ATP5F1C: variants seen among roughly 807,000 people sequenced by gnomAD.
The protein encoded by ATP5F1C is ATP synthase F1 subunit gamma.
Under a neutral mutation model 37.4 loss-of-function variants are expected in ATP5F1C, and 22 were observed. The observed-to-expected ratio is 0.59, with a 90% CI of 0.42 to 0.84. The LOEUF is 0.84. ATP5F1C is among the 40% of genes least tolerant of loss of function. The pLI, the probability that ATP5F1C is intolerant of heterozygous loss-of-function variation, is 0.00. For synonymous variants in ATP5F1C, 121 were observed against 128.0 expected, an observed-to-expected ratio of 0.95 and a Z score of 0.37; for missense variants, 286 against 362.4, an observed-to-expected ratio of 0.79 and a Z score of 1.71.
intron 8 of ATP5F1C, among the ~76,000 whole-genome samples, chr10:7,803,223 G>T (rs1349842518): frequency 6.6e-6 from 1 of 151,460 alleles, no homozygotes; most frequent in Non-Finnish European, 1.5e-5. Context: ...ATTGCATGTT[G>T]GGAAGGTCCA....
In ATP5F1C at chr10:7,802,265, A is replaced by G. The variant is rs902094523; in HGVS notation, c.638-5A>G. ...TTGAAAGAAACTCATCACTTGTTTT[A>G]ACAGACAGCATGAGTATCTATGACG... On this transcript the variant is annotated splice_polypyrimidine_tract_variant and splice_region_variant and intron_variant, in intron 6 of 9. Coordinates refer to ENST00000356708, the MANE Select transcript of ATP5F1C (RefSeq NM_001001973.3). The G allele has an allele frequency of 1.3e-6, 2 of 1,599,788 alleles. No individual in the cohort carries two copies. The highest frequency in any genetic ancestry group is 2.2e-5 in the East Asian group (1 of 44,686).
intron 1 of ATP5F1C, among the ~76,000 whole-genome samples, chr10:7,790,615 T>C (rs1338659272): frequency 6.6e-6 from 1 of 152,158 alleles, no homozygotes; most frequent in African/African-American, 2.4e-5. Flanking sequence ...TCTGAGACCA[T>C]GAGGGCAGAT....
chr10:7,803,850 A>G (rs534940000), intron 8 of ATP5F1C, among the ~76,000 whole-genome samples: 6 of 152,320 alleles, frequency 3.9e-5, no homozygotes, highest in African/African-American at 1.4e-4. Flanking sequence ...CCTCCTGCTA[A>G]TCAGTTACCA....
intron 1 of ATP5F1C, among the ~76,000 whole-genome samples, chr10:7,794,303 A>C (rs1198006616): frequency 6.6e-6 from 1 of 152,212 alleles, no homozygotes; most frequent in Non-Finnish European, 1.5e-5. Flanking sequence ...ATAGATAATC[A>C]TGTCATCTAT....
At chr10:7,795,181 C>G (rs1836218125) in intron 1 of ATP5F1C, among the ~76,000 whole-genome samples, 2 of 152,110 alleles carry the variant, frequency 1.3e-5, no homozygotes, top group African/African-American at 4.8e-5. Flanking sequence ...ACAAACCCAA[C>G]TCATGTGTCC....
At chr10:7,800,152 A>C in intron 6 of ATP5F1C, 61 bp downstream of exon 6, 1 of 1,472,460 alleles carries the variant, frequency 6.8e-7, no homozygotes, top group South Asian at 1.1e-5. Flanking sequence ...TTTGTACACT[A>C]AGGCAGACAG....
rs577890457 is a variant in ATP5F1C, at chr10:7,803,472, ATTG to A, written c.890+626_890+628del. On this transcript the variant is annotated intron_variant, in intron 8 of 9. Transcript: ENST00000356708. ...CATCTCTAGTTATAATGCTATGTAA[ATTG>A]TTGTTGTATTGGTTTTTGTTTTTAT... 6.8e-3 allele frequency among the ~76,000 whole-genome samples: 1,032 copies of A among 152,188 alleles called. 5 individuals are homozygous for A. The highest frequency in any genetic ancestry group is 0.01 in the Non-Finnish European group (685 of 68,014).
chr10:7,796,373 T>C (rs557509601), intron 2 of ATP5F1C: 13 of 387,948 alleles, frequency 3.4e-5, no homozygotes, highest in African/African-American at 2.5e-4. Flanking sequence ...AGAATGATCA[T>C]GATATAACTA....
At chr10:7,805,264 G>A (rs544588879) in intron 8 of ATP5F1C, among the ~76,000 whole-genome samples, 2 of 152,246 alleles carry the variant, frequency 1.3e-5, no homozygotes, top group South Asian at 4.1e-4. Context: ...TTAAAGCCAG[G>A]CTGATTTGTT....
intron 9 of ATP5F1C, 88 bp from the exon 10 acceptor site, chr10:7,807,571 C>A: frequency 6.9e-7 from 1 of 1,443,022 alleles, no homozygotes; most frequent in South Asian, 1.3e-5. Flanking sequence ...TCTCTGTACC[C>A]CACTTAAATA....
intron 4 of ATP5F1C, chr10:7,799,410 G>C (rs1836308065): frequency 1.7e-6 from 1 of 571,858 alleles, no homozygotes; most frequent in African/African-American, 1.9e-5. Context: ...TTCTACCTTT[G>C]CTTCTTCATC....
chr10:7,801,288 T>G (rs1423297863), intron 6 of ATP5F1C, among the ~76,000 whole-genome samples: 1 of 152,212 alleles, frequency 6.6e-6, no homozygotes, highest in Non-Finnish European at 1.5e-5. Flanking sequence ...TTGAGTACAT[T>G]TTTTTCTCTC....
rs150088787 is a variant in ATP5F1C at position 7,805,852 on chromosome 10, C to T, written c.891-1122C>T. 3.4e-3 allele frequency among the ~76,000 whole-genome samples: 513 copies of T among 152,024 alleles called. 4 individuals carry two copies. Among genetic ancestry groups the T allele is most frequent in the African/African-American group, 0.012 (481 of 41,448 alleles). On this transcript the variant is annotated intron_variant, in intron 8 of 9. Transcript: ENST00000356708. ...TTGTAATCCCAGCATTTTGGGAGAC[C>T]GAAGCGAGTGGATTGCTTGAGCCCA... is the stretch of plus-strand genomic sequence containing the variant.
chr10:7,791,107 C>A (rs1473415979), intron 1 of ATP5F1C, among the ~76,000 whole-genome samples: 1 of 152,138 alleles, frequency 6.6e-6, no homozygotes, highest in Non-Finnish European at 1.5e-5. Context: ...CAAGACCATA[C>A]TGGCCAACAT....
chr10:7,803,683 T>C (rs117701487), intron 8 of ATP5F1C, among the ~76,000 whole-genome samples: 3,055 of 152,336 alleles, frequency 0.02, 42 homozygotes, highest in Middle Eastern at 0.034. Context: ...AGTTATTAAG[T>C]TGAATACCCA....
intron 7 of ATP5F1C, 140 bp downstream of exon 7, chr10:7,802,565 T>C (rs1836391020): frequency 8.7e-7 from 1 of 1,153,750 alleles, no homozygotes; most frequent in African/African-American, 1.6e-5. Flanking sequence ...TATATCTTGA[T>C]AGGTAGTTGA....
At chr10:7,792,512 C>T (rs1232092971) in intron 1 of ATP5F1C, among the ~76,000 whole-genome samples, 1 of 152,216 alleles carries the variant, frequency 6.6e-6, no homozygotes, top group Non-Finnish European at 1.5e-5. Context: ...AAAAATCCCT[C>T]CTCTACTCTC....
At position 7,802,382 on chromosome 10, in the gene ATP5F1C, G is replaced by C. The variant is rs1389938511; in HGVS notation, c.750G>C (p.Gln250His). ...YSLKESTTSE[Q>H]SARMTAMDNA... ...TGAAGGAGTCCACCACTAGTGAGCA[G>C]AGTGCCAGGATGACAGCCATGGACA... Residue 250 changes from glutamine to histidine, a missense_variant, in exon 7 of 10, where the codon CAG becomes CAC. Transcript: ENST00000356708. 6.2e-7 allele frequency: 1 copy of C among 1,614,014 alleles called. No individual in the cohort carries two copies. Among genetic ancestry groups the C allele is most frequent in the Non-Finnish European group, 8.5e-7 (1 of 1,179,986 alleles).
intron 7 of ATP5F1C, 148 bp from the exon 8 acceptor site, chr10:7,802,610 A>G: frequency 9.4e-7 from 1 of 1,069,422 alleles, no homozygotes; most frequent in South Asian, 1.7e-5. Context: ...CCTATGGAAG[A>G]TGTAAAAATA....
Sources: allele counts gnomAD v4.1 joint callset (sites outside exome capture counted in the v4.1 genomes callset), GRCh38; gene constraint gnomAD v4.1.1; transcripts MANE v1.5; gene names NCBI Gene and HGNC (gene_info 2026-07-23, HGNC 2026-07-21).